TRIM37: variants seen among roughly 807,000 people sequenced by gnomAD.
TRIM37 encodes the protein E3 ubiquitin-protein ligase TRIM37.
TRIM37 carries 80 observed loss-of-function variants against 129.8 expected under a neutral mutation model. That is an observed-to-expected ratio of 0.62 (90% CI 0.51 to 0.74). The LOEUF (loss-of-function observed/expected upper bound fraction) is 0.74. Among genes scored for constraint, TRIM37 ranks in the 30% least tolerant of loss-of-function variants. TRIM37 has a pLI of 0.00. For missense variants in TRIM37, 1,054 were observed against 1,176.5 expected, an observed-to-expected ratio of 0.90 and a Z score of 1.52; for synonymous variants, 389 against 387.1, an observed-to-expected ratio of 1.00 and a Z score of -0.06.
At position 58,998,579 on chromosome 17, in the gene TRIM37, T is replaced by A. The variant is rs2033258146; in HGVS notation, c.*798A>T. 20 of 985,410 alleles carry A rather than the reference T, an allele frequency of 2.0e-5. No homozygotes were observed. Among genetic ancestry groups the A allele is most frequent in the Non-Finnish European group, 2.4e-5 (20 of 829,918 alleles). The allele number at this position is 985,410 out of a possible 1,614,324, so 61.0% of individuals were successfully genotyped here. On this transcript the variant is annotated 3_prime_UTR_variant, in exon 24 of 24. Transcript: ENST00000262294. The stretch of plus-strand genomic sequence containing the variant: ...AAATGTGTTGACACTGAAATCAATG[T>A]ACAACTAATGAAAATAAAGAAGAAA...
chr17:59,070,054 C>T (rs2042240143), intron 9 of TRIM37, among the ~76,000 whole-genome samples: 1 of 152,210 alleles, frequency 6.6e-6, no homozygotes, highest in African/African-American at 2.4e-5. Flanking sequence ...GACTAATACA[C>T]ACCCAAAGAT....
At chr17:59,010,297 C>G (rs2035089338) in intron 22 of TRIM37, among the ~76,000 whole-genome samples, 2 of 152,108 alleles carry the variant, frequency 1.3e-5, no homozygotes, top group Non-Finnish European at 2.9e-5. Context: ...TGGTTAACAG[C>G]TGAGGATGCT....
intron 22 of TRIM37, among the ~76,000 whole-genome samples, chr17:59,003,331 C>T (rs940367376): frequency 7.2e-5 from 11 of 152,044 alleles, no homozygotes; most frequent in African/African-American, 2.7e-4. Flanking sequence ...TGCCTAATTT[C>T]GGTTTGGGAT....
At position 59,032,565 on chromosome 17, in the gene TRIM37, C is replaced by G. The variant is rs560422918; in HGVS notation, c.1754-475G>C. ...AAAAAAAAAAAAAAGAAAGAAGGAA[C>G]CAGACAGTTGTACATTAGCACAGTG... On this transcript the variant is annotated intron_variant, in intron 17 of 23. Transcript: ENST00000262294. 2.7e-5 allele frequency among the ~76,000 whole-genome samples: 4 copies of G among 148,770 alleles called. No homozygotes were observed. In the South Asian group the frequency reaches 8.6e-4, roughly 32 times the overall value.
intron 23 of TRIM37, 116 bp from the exon 24 acceptor site, chr17:58,999,575 T>C: frequency 3.6e-6 from 3 of 837,904 alleles, no homozygotes; most frequent in Non-Finnish European, 5.4e-6. Context: ...GTGATAAAGA[T>C]GTGCTGGGTT....
At chr17:58,976,438 A>G in the TRIM37 span, among the ~76,000 whole-genome samples, 1 of 152,288 alleles carries the variant, frequency 6.6e-6, no homozygotes, top group African/African-American at 2.4e-5. Context: ...TGGAAACCAC[A>G]TGGAATAAAA....
At chr17:59,012,739 T>C (rs1316644079) in intron 21 of TRIM37, among the ~76,000 whole-genome samples, 1 of 151,800 alleles carries the variant, frequency 6.6e-6, no homozygotes, top group Non-Finnish European at 1.5e-5. Context: ...TAGCCAGATA[T>C]GGTGGTGGGC....
intron 2 of TRIM37, among the ~76,000 whole-genome samples, chr17:59,098,467 C>T (rs2045124532): frequency 6.6e-6 from 1 of 151,790 alleles, no homozygotes; most frequent in Admixed American, 6.6e-5. Flanking sequence ...GAGTTTGAGG[C>T]CAGCTTTGGC....
At chr17:58,986,203 C>G (rs1295796345) in intron 24 of TRIM37, among the ~76,000 whole-genome samples, 1 of 142,732 alleles carries the variant, frequency 7.0e-6, no homozygotes, top group Non-Finnish European at 1.5e-5. Flanking sequence ...TGCATCATTT[C>G]CTTTCCTTCT....
At chr17:58,993,768 T>C (rs2032691986), downstream of TRIM37, among the ~76,000 whole-genome samples, 1 of 151,954 alleles carries the variant, frequency 6.6e-6, no homozygotes, top group Admixed American at 6.5e-5. Context: ...AGACTGAATT[T>C]TAATGTATGT....
chr17:59,045,938 C>A (rs1379414380), intron 16 of TRIM37, among the ~76,000 whole-genome samples: 1 of 151,938 alleles, frequency 6.6e-6, no homozygotes, highest in African/African-American at 2.4e-5. Context: ...ATCACTTGAA[C>A]CCAGGAGATG....
chr17:59,081,714 C>T (rs1482907841), intron 5 of TRIM37, among the ~76,000 whole-genome samples: 1 of 151,818 alleles, frequency 6.6e-6, no homozygotes, highest in Non-Finnish European at 1.5e-5. Flanking sequence ...TCATGACTGG[C>T]CTGGCCAACA....
intron 9 of TRIM37, among the ~76,000 whole-genome samples, chr17:59,068,354 G>A (rs540754165): frequency 2.6e-5 from 4 of 152,304 alleles, no homozygotes; most frequent in African/African-American, 9.6e-5. Context: ...TGGGGACATT[G>A]GCCTGGGAAT....
chr17:59,019,739 C>T (rs576533846), intron 19 of TRIM37, among the ~76,000 whole-genome samples: 3 of 151,664 alleles, frequency 2.0e-5, no homozygotes, highest in South Asian at 4.2e-4. Context: ...AAGAAAAATC[C>T]ATAGGGAAAA....
downstream of TRIM37, chr17:58,980,904 A>G (rs1159163187): frequency 6.2e-7 from 1 of 1,614,044 alleles, no homozygotes; most frequent in African/African-American, 1.3e-5. The surrounding 1 kb of genome is among the most constrained non-coding windows in gnomAD (Gnocchi z 4.7). Flanking sequence ...GGGAAGAGAA[A>G]TAGGATAAGA....
chr17:59,047,391 T>C (rs2039930731), intron 16 of TRIM37, among the ~76,000 whole-genome samples: 1 of 152,116 alleles, frequency 6.6e-6, no homozygotes, highest in Admixed American at 6.6e-5. Flanking sequence ...TCAGAAAAAA[T>C]TATATACAGA....
At chr17:58,972,693 A>G in the TRIM37 span, 1 of 759,538 alleles carries the variant, frequency 1.3e-6, no homozygotes, top group Non-Finnish European at 2.2e-6. Flanking sequence ...CACATCAGCA[A>G]CTGTGCCCAC....
chr17:59,079,764 T>C lies in TRIM37; in HGVS notation c.606A>G (p.Ile202Met), dbSNP rs200498424. Residue 202 changes from isoleucine (I) to methionine (M), a missense_variant, in exon 7 of 24, where the codon ATA (isoleucine) becomes ATG (methionine). By Grantham distance (10) the Ile-to-Met change is conservative (BLOSUM62 1). Coordinates refer to ENST00000262294, the MANE Select transcript of TRIM37 (RefSeq NM_015294.6). ...TACATAAACACTTACCCATCAGTGTTATAAGCTTATTCTTCAGCTGTGTGT... is the reference window on the plus strand; with the variant it reads ...TACATAAACACTTACCCATCAGTGTCATAAGCTTATTCTTCAGCTGTGTGT... ...RLDTQLKNKL[I>M]TLMGQKTSLT... is the part of the protein sequence containing the mutation. 1.1e-5 allele frequency: 18 copies of C among 1,613,994 alleles called. No homozygotes were observed. The highest frequency in any genetic ancestry group is 1.5e-5 in the Non-Finnish European group (18 of 1,179,904).
chr17:59,052,627 T>C (rs1427767911), intron 13 of TRIM37, among the ~76,000 whole-genome samples: 1 of 152,032 alleles, frequency 6.6e-6, no homozygotes, highest in Admixed American at 6.6e-5. Flanking sequence ...ATGTTATAAC[T>C]GGATGATCAA....
Sources: allele counts gnomAD v4.1 joint callset (sites outside exome capture counted in the v4.1 genomes callset), GRCh38; gene constraint gnomAD v4.1.1; non-coding constraint Gnocchi (gnomAD v3.1); transcripts MANE v1.5; gene names NCBI Gene and HGNC (gene_info 2026-07-23, HGNC 2026-07-21).